Variants in MPPED1 observed in about 807,000 individuals in gnomAD.
MPPED1 encodes the protein metallophosphoesterase domain-containing protein 1.
MPPED1 carries 16 observed loss-of-function variants against 36.2 expected under a neutral mutation model. The observed-to-expected ratio is 0.44, with a 90% CI of 0.30 to 0.67. The LOEUF is 0.67. MPPED1 is among the 30% of genes least tolerant of loss of function. The pLI is 0.10. For missense variants in MPPED1, 307 were observed against 453.4 expected (o/e 0.68, Z 2.93); for synonymous variants, 199 against 191.3 (o/e 1.04, Z -0.33).
chr22:43,412,017 T>A lies in MPPED1; in HGVS notation c.-220T>A. Reference sequence around the variant, plus strand: ...ACGAAGGAGGAGTCTGGCTCCCACTTGCAGCCTCGGACGCGCGGCGAGGCG... The same window carrying A: ...ACGAAGGAGGAGTCTGGCTCCCACTAGCAGCCTCGGACGCGCGGCGAGGCG... On this transcript the variant is annotated 5_prime_UTR_variant, in exon 1 of 7. Coordinates refer to ENST00000443721, the MANE Select transcript of MPPED1 (RefSeq NM_001044370.2). The A allele has an allele frequency of 3.1e-6, 3 of 977,212 alleles. No homozygotes were observed. The highest frequency in any genetic ancestry group is 3.6e-6 in the Non-Finnish European group (3 of 826,902). The allele number at this position is 977,212 out of a possible 1,614,324, so 60.5% of individuals were successfully genotyped here. A position where few individuals can be genotyped will look rare whatever the true frequency, so the allele number is the denominator to read the frequency against.
intron 2 of MPPED1, among the ~76,000 whole-genome samples, chr22:43,434,783 C>T (rs1324908717): frequency 6.6e-6 from 1 of 152,234 alleles, no homozygotes; most frequent in Non-Finnish European, 1.5e-5. Context: ...CCCCCCAACC[C>T]GACGTTTCCA....
At chr22:43,500,877 T>C (rs955663447) in intron 5 of MPPED1, among the ~76,000 whole-genome samples, 7 of 151,852 alleles carry the variant, frequency 4.6e-5, no homozygotes, top group Non-Finnish European at 7.4e-5. Flanking sequence ...GCACAAGCTG[T>C]GATCCCAGAA....
chr22:43,470,797 G>T (rs79799625), intron 3 of MPPED1, among the ~76,000 whole-genome samples: 3,186 of 152,350 alleles, frequency 0.021, 55 homozygotes, highest in African/African-American at 0.045. Flanking sequence ...GTCTGTGAAG[G>T]TTATGCACAG....
chr22:43,505,415 T>G, intron 6 of MPPED1, 83 bp from the exon 7 acceptor site: 1 of 1,241,444 alleles, frequency 8.1e-7, no homozygotes, highest in Non-Finnish European at 1.1e-6. Flanking sequence ...CCACAGGGGC[T>G]GAGTGCCCTA....
At chr22:43,464,894 T>C (rs1931108940) in intron 3 of MPPED1, among the ~76,000 whole-genome samples, 1 of 152,198 alleles carries the variant, frequency 6.6e-6, no homozygotes, top group African/African-American at 2.4e-5. Flanking sequence ...GCTGATTTCA[T>C]GGGATGTCAG....
At chr22:43,463,815 C>CTTTCTTTTTTTTTTTCTTTCTT (rs1377538955) in intron 3 of MPPED1, among the ~76,000 whole-genome samples, 1 of 47,948 alleles carries the variant, frequency 2.1e-5, no homozygotes, top group African/African-American at 9.0e-5. Context: ...TCTTTTCTTT[C>CTTTCTTTTTTTTTTTCTTTCTT]TTTCTTTCTT....
intron 4 of MPPED1, among the ~76,000 whole-genome samples, chr22:43,492,502 C>T (rs930531119): frequency 2.6e-5 from 4 of 152,156 alleles, no homozygotes; most frequent in African/African-American, 4.8e-5. Context: ...CTGGTTTCCT[C>T]AATTGGTGGG....
At chr22:43,415,190 A>G (rs191338232) in intron 1 of MPPED1, among the ~76,000 whole-genome samples, 1 of 132,500 alleles carries the variant, frequency 7.5e-6, no homozygotes, top group African/African-American at 2.7e-5. Flanking sequence ...AAGTTGTCTG[A>G]CTTGAGTTTG....
rs924263627 is a variant in MPPED1, at chr22:43,470,126, CCATCCATT to C, written c.407-4602_407-4595del. 1.1e-4 allele frequency among the ~76,000 whole-genome samples: 15 copies of C among 136,986 alleles called. 1 individual carries two copies. Among genetic ancestry groups the C allele is most frequent in the African/African-American group, 4.3e-4 (15 of 34,922 alleles). The allele number at this position is 136,986 out of a possible 152,430, so 89.9% of individuals were successfully genotyped here. Reference sequence around the variant, plus strand: ...ATAAATCATCCATCCATCCATCCATCCATCCATTCATCCATCTATATATACATCTATAT... The same window carrying C: ...ATAAATCATCCATCCATCCATCCATCCATCCATCTATATATACATCTATAT... On this transcript the variant is annotated intron_variant, in intron 3 of 6. Coordinates refer to ENST00000443721, the MANE Select transcript of MPPED1 (RefSeq NM_001044370.2).
intron 2 of MPPED1, among the ~76,000 whole-genome samples, chr22:43,428,475 G>C (rs1002068305): frequency 6.6e-6 from 1 of 152,208 alleles, no homozygotes; most frequent in Non-Finnish European, 1.5e-5. Flanking sequence ...CGGAAGCATG[G>C]AGGCTGCTGG....
At chr22:43,505,129 C>T (rs1418721726) in intron 6 of MPPED1, among the ~76,000 whole-genome samples, 1 of 147,088 alleles carries the variant, frequency 6.8e-6, no homozygotes, top group Non-Finnish European at 1.5e-5. Flanking sequence ...GTGATGATCA[C>T]GATAAGGGTG....
At chr22:43,456,598 G>A (rs1361978776) in intron 3 of MPPED1, among the ~76,000 whole-genome samples, 2 of 152,170 alleles carry the variant, frequency 1.3e-5, no homozygotes, top group East Asian at 1.9e-4. Flanking sequence ...AGGTTCAAGC[G>A]ATTCCTGTGA....
intron 2 of MPPED1, among the ~76,000 whole-genome samples, chr22:43,425,450 T>C (rs765796521): frequency 2.6e-5 from 4 of 152,232 alleles, no homozygotes; most frequent in Non-Finnish European, 5.9e-5. Flanking sequence ...GCCAGGAGCA[T>C]GTTTTACAAA....
intron 2 of MPPED1, 58 bp downstream of exon 2, chr22:43,425,267 A>G: frequency 4.0e-6 from 6 of 1,491,298 alleles, no homozygotes; most frequent in Middle Eastern, 2.3e-4. Context: ...GGGTGGGTGC[A>G]TGGTCTCGGG....
intron 4 of MPPED1, among the ~76,000 whole-genome samples, chr22:43,477,891 T>C (rs576007525): frequency 2.0e-5 from 3 of 152,290 alleles, no homozygotes; most frequent in Admixed American, 2.0e-4. Flanking sequence ...GCCTGCCTTG[T>C]TGGGGGGTTG....
intron 3 of MPPED1, among the ~76,000 whole-genome samples, chr22:43,465,949 C>T (rs932560388): frequency 2.0e-5 from 3 of 152,146 alleles, no homozygotes; most frequent in Non-Finnish European, 4.4e-5. Context: ...TCCTTCCGGA[C>T]TGCGACTTCT....
At chr22:43,420,474 G>A (rs1284315187) in intron 1 of MPPED1, among the ~76,000 whole-genome samples, 1 of 151,422 alleles carries the variant, frequency 6.6e-6, no homozygotes, top group Non-Finnish European at 1.5e-5. Context: ...GCACGATCTC[G>A]GCTGAATGCA....
At chr22:43,445,000 G>A (rs1409472259) in intron 3 of MPPED1, among the ~76,000 whole-genome samples, 3 of 152,218 alleles carry the variant, frequency 2.0e-5, no homozygotes, top group Non-Finnish European at 4.4e-5. Context: ...CCAGTACCCA[G>A]TGCTATGTGG....
Position 43,463,826 on chromosome 22 carries a change from TC to T in MPPED1, c.407-10909del, listed in dbSNP as rs1601980214. On this transcript the variant is annotated intron_variant, in intron 3 of 6. Coordinates refer to ENST00000443721, the MANE Select transcript of MPPED1 (RefSeq NM_001044370.2). ...TTTTTCTTTTCTTTCTTTCTTTCTTTCTTTCTTTCTTTCTTTCTTTCTTTCT... is the reference window on the plus strand; with the variant it reads ...TTTTTCTTTTCTTTCTTTCTTTCTTTTTTCTTTCTTTCTTTCTTTCTTTCT... Among the ~76,000 whole-genome samples, 787 of 126,920 alleles carry T rather than the reference TC, an allele frequency of 6.2e-3. 29 individuals carry two copies. The highest frequency in any genetic ancestry group is 0.018 in the East Asian group (78 of 4,350). 83.3% of individuals were successfully genotyped at this position (126,920 alleles called of 152,430 possible). A position where few individuals can be genotyped will look rare whatever the true frequency, so the allele number is the denominator to read the frequency against.
Sources: gnomAD v4.1 joint callset for allele counts (sites outside exome capture counted in the v4.1 genomes callset) on GRCh38, gnomAD v4.1.1 for gene constraint, MANE v1.5 for transcripts, NCBI Gene and HGNC (gene_info 2026-07-23, HGNC 2026-07-21) for gene names.